Variants in SGCD observed in about 807,000 individuals in gnomAD.
SGCD encodes the protein delta-sarcoglycan.
A neutral mutation model predicts 36.6 loss-of-function variants in SGCD; 18 were observed. The observed-to-expected ratio is 0.49, with a 90% confidence interval of 0.34 to 0.73. The LOEUF is 0.73. Ranked by LOEUF, SGCD falls within the 30% of genes least tolerant of loss-of-function variation. The pLI, the probability that SGCD is intolerant of heterozygous loss-of-function variation, is 0.01. For synonymous variants in SGCD, 133 were observed against 130.6 expected (o/e 1.02, Z -0.12); for missense variants, 387 against 346.7 (o/e 1.12, Z -0.92).
intron 3 of SGCD, among the ~76,000 whole-genome samples, chr5:156,434,525 A>C (rs1361728225): frequency 2.0e-5 from 3 of 152,218 alleles, no homozygotes; most frequent in Non-Finnish European, 2.9e-5. Flanking sequence ...TTTGGTTTCA[A>C]ATAAAGGTAT....
chr5:156,545,641 C>T (rs1171203276), intron 4 of SGCD, among the ~76,000 whole-genome samples: 1 of 152,152 alleles, frequency 6.6e-6, no homozygotes, highest in Non-Finnish European at 1.5e-5. Flanking sequence ...CACTGCAGAT[C>T]TGACAGGAGG....
At chr5:156,469,078 G>A (rs183868609) in intron 3 of SGCD, among the ~76,000 whole-genome samples, 5 of 152,242 alleles carry the variant, frequency 3.3e-5, no homozygotes, top group East Asian at 1.9e-4. Context: ...TATTATTTAC[G>A]TCTTTCTCCT....
At chr5:156,205,008 A>G (rs1764240643) in intron 3 of SGCD, among the ~76,000 whole-genome samples, 1 of 152,106 alleles carries the variant, frequency 6.6e-6, no homozygotes, top group Non-Finnish European at 1.5e-5. Flanking sequence ...ATGGACATAT[A>G]TTATTTTCAC....
intron 1 of SGCD, among the ~76,000 whole-genome samples, chr5:156,005,662 G>T (rs1168140191): frequency 6.6e-6 from 1 of 152,178 alleles, no homozygotes; most frequent in Non-Finnish European, 1.5e-5. Context: ...GTGTTAGCCA[G>T]GATGGTCTCT....
chr5:155,801,647 A>C, the SGCD span, among the ~76,000 whole-genome samples: 1 of 152,160 alleles, frequency 6.6e-6, no homozygotes, highest in African/African-American at 2.4e-5. Flanking sequence ...TGTTTTAGAA[A>C]ACTTGCTCAG....
chr5:156,359,019 G>A (rs1250295645), intron 3 of SGCD, among the ~76,000 whole-genome samples: 1 of 152,090 alleles, frequency 6.6e-6, no homozygotes, highest in Admixed American at 6.5e-5. Context: ...TTAAAAATAA[G>A]AAGCTAAAAG....
At chr5:156,426,737 T>C (rs1401557135) in intron 3 of SGCD, among the ~76,000 whole-genome samples, 1 of 152,124 alleles carries the variant, frequency 6.6e-6, no homozygotes, top group Non-Finnish European at 1.5e-5. Context: ...TTGATTTTTG[T>C]GTAAAGTGAG....
chr5:156,388,495 A>G (rs777356877), intron 3 of SGCD, among the ~76,000 whole-genome samples: 31 of 152,242 alleles, frequency 2.0e-4, no homozygotes, highest in Non-Finnish European at 4.3e-4. Context: ...GCCTGAAGGT[A>G]TCATTTAATT....
intron 3 of SGCD, among the ~76,000 whole-genome samples, chr5:156,410,534 TA>T (rs1327055954): frequency 3.3e-5 from 5 of 152,166 alleles, no homozygotes; most frequent in Admixed American, 6.5e-5. Context: ...AAGTTGGAAT[TA>T]TTTTTTTAAA....
chr5:156,646,761 T>C (rs1302180398), intron 6 of SGCD, among the ~76,000 whole-genome samples: 1 of 152,164 alleles, frequency 6.6e-6, no homozygotes, highest in Non-Finnish European at 1.5e-5. Context: ...TGAAAACACT[T>C]TGGGAGCAGA....
At chr5:156,161,521 T>A (rs1471323992) in intron 3 of SGCD, among the ~76,000 whole-genome samples, 1 of 151,914 alleles carries the variant, frequency 6.6e-6, no homozygotes, top group African/African-American at 2.4e-5. Context: ...ATGAAGAGAC[T>A]GAGAGCTTCA....
intron 7 of SGCD, among the ~76,000 whole-genome samples, chr5:156,676,584 C>G (rs965497713): frequency 6.6e-6 from 1 of 152,108 alleles, no homozygotes; most frequent in African/African-American, 2.4e-5. Flanking sequence ...GTAAGCAATG[C>G]TGGCCTTGCG....
chr5:156,495,739 A>C (rs971785597), intron 3 of SGCD, among the ~76,000 whole-genome samples: 24 of 152,210 alleles, frequency 1.6e-4, no homozygotes, highest in African/African-American at 5.5e-4. Flanking sequence ...GTGGCTTCTT[A>C]AGATAAATGA....
chr5:156,681,100 CA>C, intron 7 of SGCD, among the ~76,000 whole-genome samples: 1 of 152,320 alleles, frequency 6.6e-6, no homozygotes, highest in African/African-American at 2.4e-5. Flanking sequence ...GGCCAAGTGC[CA>C]ATCAGATCAG....
intron 7 of SGCD, among the ~76,000 whole-genome samples, chr5:156,729,066 G>A (rs1035086592): frequency 4.6e-5 from 7 of 152,104 alleles, no homozygotes; most frequent in Non-Finnish European, 1.0e-4. Flanking sequence ...TCATTAGAAA[G>A]TAATTGAAAA....
intron 6 of SGCD, among the ~76,000 whole-genome samples, chr5:156,641,771 C>T (rs545780996): frequency 6.6e-6 from 1 of 152,274 alleles, no homozygotes; most frequent in Non-Finnish European, 1.5e-5. Context: ...TCCAGCACAT[C>T]ACCAGATCCC....
chr5:155,881,135 TGC>T (rs1755873364), intron 1 of SGCD, among the ~76,000 whole-genome samples: 1 of 151,924 alleles, frequency 6.6e-6, no homozygotes, highest in Non-Finnish European at 1.5e-5. Flanking sequence ...AACCCAGGGG[TGC>T]TGATTTTCAA....
chr5:156,344,028 A>G (rs1465313740), intron 2 of SGCD, among the ~76,000 whole-genome samples: 2 of 150,878 alleles, frequency 1.3e-5, no homozygotes, highest in African/African-American at 4.9e-5. Context: ...ATACAGAATG[A>G]TAGTGTTCAA....
At chr5:156,520,954 T>G (rs998405944) in intron 4 of SGCD, among the ~76,000 whole-genome samples, 4 of 147,184 alleles carry the variant, frequency 2.7e-5, no homozygotes, top group Non-Finnish European at 5.9e-5. Context: ...GAGGTGGATA[T>G]TGCAGTGAGT....
Sources: gnomAD v4.1 joint callset for allele counts (sites outside exome capture counted in the v4.1 genomes callset) on GRCh38, gnomAD v4.1.1 for gene constraint, MANE v1.5 for transcripts, NCBI Gene and HGNC (gene_info 2026-07-23, HGNC 2026-07-21) for gene names.